SYBU: variants seen among roughly 807,000 people sequenced by gnomAD.
SYBU encodes the protein syntabulin.
Under a neutral mutation model 35.9 loss-of-function variants are expected in SYBU, and 21 were observed. The observed-to-expected ratio is 0.58, with a 90% CI of 0.41 to 0.84. The LOEUF (loss-of-function observed/expected upper bound fraction) is 0.84. SYBU is among the 40% of genes least tolerant of loss of function. The probability of loss-of-function intolerance (pLI) is 0.00; values close to 1 mark genes in which losing one functional copy is unlikely to be tolerated. For synonymous variants in SYBU, 319 were observed against 324.3 expected (o/e 0.98, Z 0.18); for missense variants, 768 against 848.2 (o/e 0.91, Z 1.17).
chr8:109,610,914 C>T (rs540769990), intron 3 of SYBU, among the ~76,000 whole-genome samples: 176 of 152,300 alleles, frequency 1.2e-3, no homozygotes, highest in Admixed American at 2.5e-3. Context: ...TGCCAGCACC[C>T]AGTATTTTAC....
intron 3 of SYBU, among the ~76,000 whole-genome samples, chr8:109,612,429 T>C (rs1194836638): frequency 6.6e-6 from 1 of 152,220 alleles, no homozygotes; most frequent in Non-Finnish European, 1.5e-5. Context: ...AGCTTATAAC[T>C]GGCAAGCTAT....
chr8:109,677,917 C>A (rs1817249814), intron 1 of SYBU, among the ~76,000 whole-genome samples: 1 of 151,894 alleles, frequency 6.6e-6, no homozygotes, highest in South Asian at 2.1e-4. Flanking sequence ...GGTGGATCAC[C>A]TGAGGTCAGG....
chr8:109,649,925 A>G (rs1816049403), intron 1 of SYBU, among the ~76,000 whole-genome samples: 1 of 152,220 alleles, frequency 6.6e-6, no homozygotes, highest in African/African-American at 2.4e-5. Context: ...TGATTAGACA[A>G]TCTGTTGGTC....
chr8:109,602,503 G>A (rs1034966494), intron 3 of SYBU, among the ~76,000 whole-genome samples: 2 of 147,530 alleles, frequency 1.4e-5, no homozygotes, highest in African/African-American at 5.1e-5. Flanking sequence ...GCATAAACTC[G>A]GCTCTCTACA....
At chr8:109,601,849 GA>G (rs962401862) in intron 3 of SYBU, among the ~76,000 whole-genome samples, 3 of 152,248 alleles carry the variant, frequency 2.0e-5, no homozygotes, top group Non-Finnish European at 4.4e-5. Context: ...CCAGAGAGTT[GA>G]AAAATGTAAA....
At chr8:109,614,300 A>G (rs1224848070) in intron 3 of SYBU, among the ~76,000 whole-genome samples, 1 of 152,218 alleles carries the variant, frequency 6.6e-6, no homozygotes, top group Non-Finnish European at 1.5e-5. Context: ...GAGGCCCAGC[A>G]CTGTCATTTA....
intron 2 of SYBU, among the ~76,000 whole-genome samples, chr8:109,625,709 C>T (rs1313412966): frequency 4.6e-5 from 7 of 152,192 alleles, no homozygotes; most frequent in Admixed American, 3.3e-4. Context: ...GTGTGAGTCA[C>T]TGCGCCCAGC....
At chr8:109,588,176 A>G (rs1242505934) in intron 3 of SYBU, among the ~76,000 whole-genome samples, 4 of 152,254 alleles carry the variant, frequency 2.6e-5, no homozygotes, top group Non-Finnish European at 5.9e-5. Flanking sequence ...AAAAACACTC[A>G]GCTTTCATTC....
chr8:109,597,954 G>A (rs775220508), intron 3 of SYBU, among the ~76,000 whole-genome samples: 51 of 152,308 alleles, frequency 3.3e-4, no homozygotes, highest in Middle Eastern at 6.8e-3. Context: ...TGGTGCTGAT[G>A]CTGCTGGTTT....
chr8:109,579,959 G>A lies in SYBU; in HGVS notation c.574C>T (p.Pro192Ser). The A allele has an allele frequency of 6.2e-7, 1 of 1,613,592 alleles. No homozygotes were observed. The highest frequency in any genetic ancestry group is 8.5e-7 in the Non-Finnish European group (1 of 1,180,036). Residue 192 changes from proline to serine, a missense_variant, in exon 5 of 7, where the codon CCT becomes TCT. Pro to Ser is a moderately conservative substitution (Grantham distance 74). Coordinates refer to ENST00000276646, the MANE Select transcript of SYBU (RefSeq NM_001099754.2). ...GRSNGASSHK[P>S]GSSPSSPREK... is the part of the protein sequence containing the mutation. ...CGCGGGGATGATGGGCTGCTGCCAG[G>A]CTTGTGTGACGAAGCTCCATTACTC...
chr8:109,595,198 G>A (rs1220432341), intron 3 of SYBU, among the ~76,000 whole-genome samples: 2 of 152,170 alleles, frequency 1.3e-5, no homozygotes, highest in East Asian at 1.9e-4. Flanking sequence ...GGAATGAGGC[G>A]AGGCTGTTGT....
chr8:109,625,890 G>C (rs961111970), intron 2 of SYBU, among the ~76,000 whole-genome samples: 1 of 152,182 alleles, frequency 6.6e-6, no homozygotes, highest in African/African-American at 2.4e-5. Context: ...AAACTTCCAA[G>C]AAGTTTGAGA....
At chr8:109,674,699 C>A (rs564848134) in intron 1 of SYBU, among the ~76,000 whole-genome samples, 42 of 152,248 alleles carry the variant, frequency 2.8e-4, no homozygotes, top group Middle Eastern at 3.4e-3. Context: ...TAGTGGGAGA[C>A]TTTAACACTC....
rs1394756019 is a variant in SYBU, at chr8:109,574,373, C to T, written c.*533G>A. The T allele has an allele frequency of 6.5e-6, 1 of 152,676 alleles. No individual in the cohort carries two copies. Among genetic ancestry groups the T allele is most frequent in the Non-Finnish European group, 1.5e-5 (1 of 68,076 alleles). The allele number at this position is 152,676 out of a possible 1,614,324, so 9.5% of individuals were successfully genotyped here. ...AAACAAGCCATTTAAGACTTTGGAGCTACATTTAGTAAAAAATTGCAAACA... is the reference window on the plus strand; with the variant it reads ...AAACAAGCCATTTAAGACTTTGGAGTTACATTTAGTAAAAAATTGCAAACA... On this transcript the variant is annotated 3_prime_UTR_variant, in exon 7 of 7. Transcript: ENST00000276646.
rs779594610 is a variant in SYBU, at chr8:109,612,994, A to G, written c.427+5848T>C. Among the ~76,000 whole-genome samples the G allele has an allele frequency of 5.9e-3, 443 of 75,212 alleles. 2 individuals carry two copies. The highest frequency in any genetic ancestry group is 0.037 in the South Asian group (67 of 1,832). 49.3% of individuals were successfully genotyped at this position (75,212 alleles called of 152,430 possible). ...GACTCTGTTAAAAAAAAAAAAAAAA[A>G]AAGAAGAAGAAGAAAAGAAAAAAAA... On this transcript the variant is annotated intron_variant, in intron 3 of 6. Transcript: ENST00000276646.
intron 2 of SYBU, among the ~76,000 whole-genome samples, chr8:109,632,582 T>G (rs1813755592): frequency 6.6e-6 from 1 of 151,944 alleles, no homozygotes; most frequent in Non-Finnish European, 1.5e-5. Context: ...TACATCTGAG[T>G]TTTTTCTATT....
intron 3 of SYBU, among the ~76,000 whole-genome samples, chr8:109,613,539 C>A (rs112301631): frequency 1.3e-5 from 2 of 151,958 alleles, no homozygotes; most frequent in African/African-American, 2.4e-5. Flanking sequence ...CTCCTCCCCC[C>A]CACCCAATAA....
At chr8:109,655,998 C>T (rs1267699896) in intron 1 of SYBU, among the ~76,000 whole-genome samples, 2 of 152,104 alleles carry the variant, frequency 1.3e-5, no homozygotes, top group Non-Finnish European at 2.9e-5. Flanking sequence ...TGCCTGTAAT[C>T]TCAGCTACTC....
chr8:109,583,505 C>T (rs1182934956), intron 4 of SYBU, among the ~76,000 whole-genome samples: 1 of 152,134 alleles, frequency 6.6e-6, no homozygotes, highest in Non-Finnish European at 1.5e-5. Context: ...TTAAAAATAA[C>T]TCGTCAAAAA....
Sources: allele counts gnomAD v4.1 joint callset (sites outside exome capture counted in the v4.1 genomes callset), GRCh38; gene constraint gnomAD v4.1.1; transcripts MANE v1.5; gene names NCBI Gene and HGNC (gene_info 2026-07-23, HGNC 2026-07-21).